DIP2C: variants seen among roughly 807,000 people sequenced by gnomAD.
DIP2C encodes disco-interacting protein 2 homolog C.
Under a neutral mutation model 192.4 loss-of-function variants are expected in DIP2C, and 33 were observed. That is an observed-to-expected ratio of 0.17 (90% CI 0.13 to 0.23). The LOEUF is 0.23. DIP2C is among the 10% of genes least tolerant of loss of function. DIP2C has a pLI of 1.00. For missense variants in DIP2C, 1,537 were observed against 2,110.1 expected (o/e 0.73, Z 5.32); for synonymous variants, 979 against 864.1 (o/e 1.13, Z -2.33).
intron 4 of DIP2C, among the ~76,000 whole-genome samples, chr10:433,148 G>A (rs1332855698): frequency 2.0e-5 from 3 of 152,172 alleles, no homozygotes; most frequent in South Asian, 2.1e-4. Flanking sequence ...TGTCCTTACT[G>A]ATTTTCTGGC....
intron 1 of DIP2C, among the ~76,000 whole-genome samples, chr10:507,587 T>C (rs1845703989): frequency 6.6e-6 from 1 of 152,244 alleles, no homozygotes. Flanking sequence ...GACCTGGTCA[T>C]CAGCCAAGAT....
At chr10:668,005 A>T (rs898651997) in intron 1 of DIP2C, 4 of 151,902 alleles carry the variant, frequency 2.6e-5, no homozygotes, top group African/African-American at 4.9e-5. Flanking sequence ...CATACAACAC[A>T]ACACTCATAC....
chr10:417,520 C>T (rs995596494), intron 6 of DIP2C, among the ~76,000 whole-genome samples: 68 of 152,310 alleles, frequency 4.5e-4, no homozygotes, highest in African/African-American at 1.1e-3. Context: ...CGATTTCAAG[C>T]GCACTAACTG....
At chr10:404,753 G>T (rs1302443430) in intron 9 of DIP2C, among the ~76,000 whole-genome samples, 1 of 152,156 alleles carries the variant, frequency 6.6e-6, no homozygotes, top group Non-Finnish European at 1.5e-5. Context: ...TTTCTGTATG[G>T]AATTTCTATA....
chr10:365,792 T>C (rs1960115664), intron 19 of DIP2C, among the ~76,000 whole-genome samples: 1 of 152,180 alleles, frequency 6.6e-6, no homozygotes, highest in African/African-American at 2.4e-5. Flanking sequence ...ACTGAGATCG[T>C]TACATACACG....
At chr10:576,552 G>A (rs1850172868) in intron 1 of DIP2C, among the ~76,000 whole-genome samples, 1 of 152,192 alleles carries the variant, frequency 6.6e-6, no homozygotes, top group Non-Finnish European at 1.5e-5. Context: ...CATTTCAATT[G>A]TGCTTTCTAC....
intron 1 of DIP2C, among the ~76,000 whole-genome samples, chr10:594,215 A>G (rs1309988851): frequency 2.0e-5 from 3 of 152,222 alleles, no homozygotes; most frequent in East Asian, 1.9e-4. Flanking sequence ...AGTCAGCTCC[A>G]TGTAAATAGC....
At chr10:534,036 T>G (rs888786401) in intron 1 of DIP2C, among the ~76,000 whole-genome samples, 1 of 150,580 alleles carries the variant, frequency 6.6e-6, no homozygotes, top group Admixed American at 6.6e-5. Context: ...TATTTATCAA[T>G]GGACCATGAA....
intron 1 of DIP2C, among the ~76,000 whole-genome samples, chr10:489,275 A>G (rs1405672746): frequency 1.3e-5 from 2 of 152,218 alleles, no homozygotes; most frequent in Admixed American, 6.5e-5. Context: ...GCAGGTTTAC[A>G]TGAGCAAACC....
chr10:504,323 G>A (rs1465569154), intron 1 of DIP2C, among the ~76,000 whole-genome samples: 1 of 152,246 alleles, frequency 6.6e-6, no homozygotes, highest in Non-Finnish European at 1.5e-5. Context: ...CCACCCCCGA[G>A]ACGGCAAATC....
intron 1 of DIP2C, among the ~76,000 whole-genome samples, chr10:565,370 A>AAAAAAAAAAAAAAAAAAAAC (rs1226975414): frequency 6.6e-6 from 1 of 151,742 alleles, no homozygotes; most frequent in African/African-American, 2.4e-5. Flanking sequence ...AAAAAAAAAA[A>AAAAAAAAAAAAAAAAAAAAC]AGACCTAGAC....
intron 22 of DIP2C, among the ~76,000 whole-genome samples, chr10:359,098 C>T (rs1959194560): frequency 6.6e-6 from 1 of 152,096 alleles, no homozygotes; most frequent in South Asian, 2.1e-4. Context: ...ACACACGTGC[C>T]CAGATGCAGC....
At position 472,408 on chromosome 10, in the gene DIP2C, G is replaced by T. The variant is rs767565016; in HGVS notation, c.268+31C>A. ...ACCGTCCTGGCACAGGTGGCAGATG[G>T]ACGTATTGTATCACCCCACCCCGTG... On this transcript the variant is annotated intron_variant, in intron 3 of 36. Coordinates refer to ENST00000280886, the MANE Select transcript of DIP2C (RefSeq NM_014974.3). 5 of 1,591,936 alleles carry T rather than the reference G, an allele frequency of 3.1e-6. No individual in the cohort carries two copies. The East Asian group carries it at 1.1e-4, about 36-fold the overall frequency.
intron 29 of DIP2C, among the ~76,000 whole-genome samples, chr10:336,305 A>C (rs903327119): frequency 6.6e-6 from 1 of 150,438 alleles, no homozygotes; most frequent in South Asian, 2.2e-4. Context: ...CCTGTAACGA[A>C]GCTGAAAAAT....
intron 1 of DIP2C, among the ~76,000 whole-genome samples, chr10:603,806 C>T (rs564639722): frequency 6.6e-6 from 1 of 152,352 alleles, no homozygotes; most frequent in Non-Finnish European, 1.5e-5. Flanking sequence ...AGTCCCAGGG[C>T]TGAAGTCAAG....
intron 1 of DIP2C, among the ~76,000 whole-genome samples, chr10:488,742 G>C (rs976912593): frequency 1.3e-5 from 2 of 152,192 alleles, no homozygotes; most frequent in African/African-American, 4.8e-5. Context: ...TAAATCACAC[G>C]CTGTAGCTTG....
chr10:611,106 G>A (rs984313080), intron 1 of DIP2C, among the ~76,000 whole-genome samples: 5 of 152,116 alleles, frequency 3.3e-5, no homozygotes, highest in Admixed American at 3.3e-4. Flanking sequence ...GACTCATGAG[G>A]GAGGTTTCTA....
At chr10:373,034 C>A (rs1043577716) in intron 17 of DIP2C, among the ~76,000 whole-genome samples, 2 of 152,206 alleles carry the variant, frequency 1.3e-5, no homozygotes, top group Non-Finnish European at 2.9e-5. Context: ...GGCTATTATT[C>A]CTCACTTTCA....
rs943581545 is a variant in DIP2C, at chr10:366,501, C to T, written c.2132-90G>A. On this transcript the variant is annotated intron_variant, in intron 18 of 36. Coordinates refer to ENST00000280886, the MANE Select transcript of DIP2C (RefSeq NM_014974.3). ...GGGAAGACGCGAATATGAACGACAC[C>T]AGTGAACAGGAATGGGGTCTGGAGC... is the stretch of plus-strand genomic sequence containing the variant. The T allele has an allele frequency of 5.1e-5, 80 of 1,571,884 alleles. No homozygotes were observed. In the African/African-American group the frequency reaches 1.0e-3, roughly 20 times the overall value.
Sources: gnomAD v4.1 joint callset for allele counts (sites outside exome capture counted in the v4.1 genomes callset) on GRCh38, gnomAD v4.1.1 for gene constraint, MANE v1.5 for transcripts, NCBI Gene and HGNC (gene_info 2026-07-23, HGNC 2026-07-21) for gene names.